The following ANKHD1 variants were observed in gnomAD, a reference collection of about 807,000 sequenced individuals.
The protein encoded by ANKHD1 is ankyrin repeat and KH domain-containing protein 1.
ANKHD1 carries 31 observed loss-of-function variants against 230.5 expected under a neutral mutation model. That is an observed-to-expected ratio of 0.13 (90% CI 0.10 to 0.18). The LOEUF (loss-of-function observed/expected upper bound fraction) is 0.18, where lower values mean the gene tolerates loss of function less well. Among genes scored for constraint, ANKHD1 ranks in the 10% least tolerant of loss-of-function variants. ANKHD1 has a pLI of 1.00. For missense variants in ANKHD1, 2,256 were observed against 3,071.3 expected, an observed-to-expected ratio of 0.73 and a Z score of 6.27; for synonymous variants, 1,074 against 1,117.6, an observed-to-expected ratio of 0.96 and a Z score of 0.78.
chr5:140,529,460 G>C lies in ANKHD1; in HGVS notation c.6514G>C (p.Gly2172Arg), dbSNP rs1301899772. The C allele has an allele frequency of 6.2e-7, 1 of 1,614,122 alleles. No homozygotes were observed. The highest frequency in any genetic ancestry group is 1.1e-5 in the South Asian group (1 of 91,078). Reference sequence around the variant, plus strand: ...TCCAGTTACTTTAACACCACCTCAAGGCCCACCAGCTGCAGTGCAGCTTTC... The same window carrying C: ...TCCAGTTACTTTAACACCACCTCAACGCCCACCAGCTGCAGTGCAGCTTTC... ...TNPVTLTPPQGPPAAVQLSSA... is the reference protein window; with the variant it reads ...TNPVTLTPPQRPPAAVQLSSA... Residue 2172 changes from glycine (G) to arginine (R), a missense_variant, in exon 29 of 34, where the codon GGC becomes CGC. Coordinates refer to ENST00000360839, the MANE Select transcript of ANKHD1 (RefSeq NM_017747.3).
At chr5:140,446,208 A>G (rs539258121) in intron 6 of ANKHD1, among the ~76,000 whole-genome samples, 4 of 151,434 alleles carry the variant, frequency 2.6e-5, no homozygotes, top group Admixed American at 2.0e-4. Context: ...TGTGAAGTTA[A>G]CCCAACTACT....
In ANKHD1 at chr5:140,497,762, T is replaced by A. The variant is rs370500313; in HGVS notation, c.3004+484T>A. 3.3e-4 allele frequency among the ~76,000 whole-genome samples: 51 copies of A among 152,272 alleles called. No individual in the cohort carries two copies. In the South Asian group the frequency reaches 9.1e-3, roughly 27 times the overall value. On this transcript the variant is annotated intron_variant, in intron 15 of 33. Transcript: ENST00000360839. ...TGTTCAGATAAAACTAAGTATTCCA[T>A]ATTATAATATTTGTGGTTAGAAGAT...
Position 140,413,224 on chromosome 5 carries a change from G to A in ANKHD1, c.306+10951G>A, listed in dbSNP as rs181963206. Among the ~76,000 whole-genome samples, 54 of 152,184 alleles carry A rather than the reference G, an allele frequency of 3.5e-4. No individual in the cohort carries two copies. The East Asian group carries it at 9.1e-3, about 26-fold the overall frequency. The stretch of plus-strand genomic sequence containing the variant: ...GGACAATTAGATTGAGAACGAGTTT[G>A]TTTTTTAGATTTTGGTAAAATATTC... On this transcript the variant is annotated intron_variant, in intron 1 of 33. Coordinates refer to ENST00000360839, the MANE Select transcript of ANKHD1 (RefSeq NM_017747.3).
chr5:140,509,951 A>G (rs1044422682), intron 21 of ANKHD1, 68 bp from the exon 22 acceptor site: 3 of 1,551,136 alleles, frequency 1.9e-6, no homozygotes, highest in East Asian at 4.5e-5. Flanking sequence ...AAAGAAGAAG[A>G]TAGAGAAAAC....
chr5:140,525,633 G>A (rs997995953), intron 25 of ANKHD1, among the ~76,000 whole-genome samples: 60 of 152,170 alleles, frequency 3.9e-4, no homozygotes, highest in Non-Finnish European at 7.9e-4. Context: ...ACTTTGGGAG[G>A]CCGAGGCGGG....
At chr5:140,481,721 C>T (rs973165690) in intron 10 of ANKHD1, among the ~76,000 whole-genome samples, 11 of 152,062 alleles carry the variant, frequency 7.2e-5, no homozygotes, top group East Asian at 1.9e-4. Flanking sequence ...AAAGCCTTAA[C>T]GTAACCACCA....
rs777979454 is a variant in ANKHD1 at position 140,538,238 on chromosome 5, A to G, written c.7381A>G (p.Ser2461Gly). 32 of 1,612,558 alleles carry G rather than the reference A, an allele frequency of 2.0e-5. No homozygotes were observed. The highest frequency in any genetic ancestry group is 2.5e-5 in the Non-Finnish European group (30 of 1,179,616). Residue 2461 changes from serine to glycine, a missense_variant, in exon 32 of 34, where the codon AGT (serine) becomes GGT (glycine). Around this residue, in one of 13 missense-constraint regions of ANKHD1, gnomAD observed 778 missense variants for 966.5 expected, o/e 0.80. Coordinates refer to ENST00000360839, the MANE Select transcript of ANKHD1 (RefSeq NM_017747.3). ...TAACATTTTTCATCAGCCTATGGCA[A>G]GTGGTTTTGTGGATTTTTCTAAAGT... ...PSNIFHQPMASGFVDFSKGLP... is the reference protein window; with the variant it reads ...PSNIFHQPMAGGFVDFSKGLP...
chr5:140,502,197 C>A (rs1028737393), intron 15 of ANKHD1, among the ~76,000 whole-genome samples: 4 of 152,112 alleles, frequency 2.6e-5, no homozygotes, highest in Admixed American at 2.6e-4. Flanking sequence ...GTAATTTTCT[C>A]TTGATACAAC....
chr5:140,467,767 T>C (rs1160792018), intron 10 of ANKHD1, among the ~76,000 whole-genome samples: 1 of 152,184 alleles, frequency 6.6e-6, no homozygotes, highest in Non-Finnish European at 1.5e-5. Context: ...GAAAAAGTTC[T>C]AGTCAAAAAC....
At chr5:140,535,615 G>A (rs1754033282) in intron 30 of ANKHD1, 77 bp downstream of exon 30, 1 of 1,462,064 alleles carries the variant, frequency 6.8e-7, no homozygotes, top group East Asian at 2.4e-5. Context: ...ACAACACCAT[G>A]TTGTAACTTT....
chr5:140,514,888 C>T (rs1752923851), intron 24 of ANKHD1, among the ~76,000 whole-genome samples: 1 of 151,192 alleles, frequency 6.6e-6, no homozygotes, highest in African/African-American at 2.4e-5. Flanking sequence ...GAGAGGATCT[C>T]TTGGGCCTGG....
chr5:140,485,900 T>C lies in ANKHD1; in HGVS notation c.2142+168T>C. 1 of 1,049,752 alleles carries C rather than the reference T, an allele frequency of 9.5e-7. No homozygotes were observed. Among genetic ancestry groups the C allele is most frequent in the Non-Finnish European group, 1.3e-6 (1 of 756,780 alleles). 65.0% of individuals were successfully genotyped at this position (1,049,752 alleles called of 1,614,324 possible). A position where few individuals can be genotyped will look rare whatever the true frequency, so the allele number is the denominator to read the frequency against. On this transcript the variant is annotated intron_variant, in intron 13 of 33. Transcript: ENST00000360839. The surrounding 1 kb of genome is among the most constrained non-coding windows in gnomAD (Gnocchi z 4.8). Reference sequence around the variant, plus strand: ...GGATTTATTTTCTTTAAAGGTACACTGAAATTTGTTATTGCCTTATTTATT... The same window carrying C: ...GGATTTATTTTCTTTAAAGGTACACCGAAATTTGTTATTGCCTTATTTATT...
In ANKHD1 at chr5:140,505,878, A is replaced by T. The variant is rs749562012; in HGVS notation, c.3408+9A>T. Reference sequence around the variant, plus strand: ...CTGGTGGACGTCAGGAGGTGTGTTAATGTTAATTTTCATTTTGTAAATATT... The same window carrying T: ...CTGGTGGACGTCAGGAGGTGTGTTATTGTTAATTTTCATTTTGTAAATATT... On this transcript the variant is annotated intron_variant, in intron 18 of 33. Transcript: ENST00000360839. 16 of 1,561,190 alleles carry T rather than the reference A, an allele frequency of 1.0e-5. No individual in the cohort carries two copies. The highest frequency in any genetic ancestry group is 1.4e-5 in the Non-Finnish European group (16 of 1,160,966).
At chr5:140,428,337 C>T (rs1395721106) in intron 1 of ANKHD1, among the ~76,000 whole-genome samples, 11 of 152,254 alleles carry the variant, frequency 7.2e-5, no homozygotes, top group Non-Finnish European at 1.3e-4. Flanking sequence ...GCACTCCAGC[C>T]TGGGCACCAT....
chr5:140,444,736 A>G (rs1277973395), intron 5 of ANKHD1, among the ~76,000 whole-genome samples: 1 of 152,216 alleles, frequency 6.6e-6, no homozygotes, highest in Non-Finnish European at 1.5e-5. Flanking sequence ...AATGATTTTT[A>G]GTAAATTTAT....
At chr5:140,425,516 C>T (rs1185138632) in intron 1 of ANKHD1, among the ~76,000 whole-genome samples, 2 of 151,734 alleles carry the variant, frequency 1.3e-5, no homozygotes, top group Non-Finnish European at 2.9e-5. Context: ...ACCTTAGCCT[C>T]GCTAAGTGCT....
intron 1 of ANKHD1, among the ~76,000 whole-genome samples, chr5:140,425,373 G>A (rs962882394): frequency 6.6e-6 from 1 of 152,092 alleles, no homozygotes; most frequent in African/African-American, 2.4e-5. Context: ...TGATCCTGCC[G>A]CCTCAGCCTC....
intron 29 of ANKHD1, 143 bp from the exon 30 acceptor site, chr5:140,535,219 G>A: frequency 7.8e-7 from 1 of 1,288,224 alleles, no homozygotes; most frequent in East Asian, 2.5e-5. Context: ...TTTTTGCTGT[G>A]GTCTATGAAA....
At chr5:140,427,805 G>T (rs1772645834) in intron 1 of ANKHD1, among the ~76,000 whole-genome samples, 1 of 151,814 alleles carries the variant, frequency 6.6e-6, no homozygotes, top group South Asian at 2.1e-4. Context: ...CGGACAGGGT[G>T]GCTGCCGGGC....
Sources: gnomAD v4.1 joint callset for allele counts (sites outside exome capture counted in the v4.1 genomes callset) on GRCh38, gnomAD v4.1.1 for gene constraint, gnomAD v4.1.1 regional missense constraint, Gnocchi (gnomAD v3.1) non-coding constraint, MANE v1.5 for transcripts, NCBI Gene and HGNC (gene_info 2026-07-23, HGNC 2026-07-21) for gene names.